The following TCF3 variants were observed in gnomAD, a reference collection of about 807,000 sequenced individuals.
TCF3 encodes transcription factor E2-alpha.
Under a neutral mutation model 72.3 loss-of-function variants are expected in TCF3, and 54 were observed. That is an observed-to-expected ratio of 0.75 (90% CI 0.60 to 0.94). The LOEUF (loss-of-function observed/expected upper bound fraction) is 0.94. Among genes scored for constraint, TCF3 ranks in the 40% least tolerant of loss-of-function variants. The pLI, the probability that TCF3 is intolerant of heterozygous loss-of-function variation, is 0.00. For missense variants in TCF3, 1,078 were observed against 934.4 expected, an observed-to-expected ratio of 1.15 and a Z score of -2.00; for synonymous variants, 525 against 412.6, an observed-to-expected ratio of 1.27 and a Z score of -3.30.
rs1328346433 is a variant in TCF3, at chr19:1,619,188, A to T, written c.1373T>A (p.Leu458His). The T allele has an allele frequency of 3.7e-6, 6 of 1,600,312 alleles. No homozygotes were observed. Among genetic ancestry groups the T allele is most frequent in the Non-Finnish European group, 5.1e-6 (6 of 1,179,652 alleles). Reference protein sequence around the residue: ...PEDGLAGSTSLMHNHAALPSQ... With the variant: ...PEDGLAGSTSHMHNHAALPSQ... ...GGGGAGGGCCGCGTGGTTGTGCATG[A>T]GGCTGGTGCTGCCTGCGAGGCCGTC... The change falls in exon 16 of 19, where the codon CTC becomes CAC. Residue 458 changes from leucine to histidine, a missense_variant. Physicochemically the swap from Leu to His is moderately conservative, Grantham distance 99. Transcript: ENST00000262965.
chr19:1,627,237 G>C (rs572013346), intron 6 of TCF3, 122 bp downstream of exon 6: 2 of 710,762 alleles, frequency 2.8e-6, no homozygotes, highest in Admixed American at 6.4e-5. Context: ...GCCCAGCCTG[G>C]TTTCGCTATC....
At chr19:1,623,047 G>A (rs1234576688) in intron 8 of TCF3, among the ~76,000 whole-genome samples, 1 of 152,166 alleles carries the variant, frequency 6.6e-6, no homozygotes, top group Non-Finnish European at 1.5e-5. Context: ...AGGGGAGTGA[G>A]TGATACTGTT....
chr19:1,620,065 C>T (rs1052422956), intron 13 of TCF3, among the ~76,000 whole-genome samples: 3 of 152,198 alleles, frequency 2.0e-5, no homozygotes, highest in African/African-American at 7.2e-5. Flanking sequence ...ATTCCTATCT[C>T]TGAGCCTCAG....
chr19:1,639,351 G>A (rs542353662), intron 3 of TCF3, among the ~76,000 whole-genome samples: 2 of 152,238 alleles, frequency 1.3e-5, no homozygotes, highest in East Asian at 3.9e-4. Flanking sequence ...GCCAAGGAAC[G>A]GATTTTTTTG....
chr19:1,617,851 C>T (rs937009332), intron 16 of TCF3, among the ~76,000 whole-genome samples: 1 of 152,214 alleles, frequency 6.6e-6, no homozygotes, highest in African/African-American at 2.4e-5. Context: ...CCACCCACTC[C>T]ATGCCAGGAG....
chr19:1,642,206 G>A (rs903972170), intron 3 of TCF3, among the ~76,000 whole-genome samples: 1 of 148,526 alleles, frequency 6.7e-6, no homozygotes, highest in Admixed American at 6.7e-5. Flanking sequence ...ACGCAGACAC[G>A]CACACACGCG....
chr19:1,640,876 C>T (rs1036628249), intron 3 of TCF3, among the ~76,000 whole-genome samples: 35 of 151,382 alleles, frequency 2.3e-4, no homozygotes, highest in Non-Finnish European at 7.4e-5. Context: ...CGGCCAGGCG[C>T]GGTGGTTCAC....
In TCF3 at chr19:1,622,358, C is replaced by A. The variant is rs138005323; in HGVS notation, c.607G>T (p.Ala203Ser). 1 of 1,324,646 alleles carries A rather than the reference C, an allele frequency of 7.5e-7. No homozygotes were observed. Among genetic ancestry groups the A allele is most frequent in the Non-Finnish European group, 9.9e-7 (1 of 1,009,684 alleles). 82.1% of individuals were successfully genotyped at this position (1,324,646 alleles called of 1,614,324 possible). Residue 203 changes from alanine (A) to serine (S), a missense_variant, in exon 9 of 19, where the codon GCC (alanine) becomes TCC (serine). Ala to Ser is a moderately conservative substitution (Grantham distance 99, BLOSUM62 1). Coordinates refer to ENST00000262965, the MANE Select transcript of TCF3 (RefSeq NM_003200.5). ...YGRDATAYPS[A>S]KTPSSTYPAP... is the part of the protein sequence containing the mutation. ...GGATAGGTGCTGCTGGGGGTCTTGGCGGACGGGTAGGCGGTGGCATCCCTG... is the reference window on the plus strand; with the variant it reads ...GGATAGGTGCTGCTGGGGGTCTTGGAGGACGGGTAGGCGGTGGCATCCCTG...
At chr19:1,618,352 T>C (rs1041715853) in intron 16 of TCF3, among the ~76,000 whole-genome samples, 2 of 152,048 alleles carry the variant, frequency 1.3e-5, no homozygotes, top group Non-Finnish European at 2.9e-5. Context: ...GTGCCACTCA[T>C]AGTCTGTCCT....
At position 1,652,461 on chromosome 19, in the gene TCF3, C is replaced by A. The variant is rs1250662351; in HGVS notation, c.-201G>T. On this transcript the variant is annotated 5_prime_UTR_variant, in exon 1 of 19. Transcript: ENST00000262965. ...CCGGGCCCCTCCCACCCCCGCGTGG[C>A]CCGTCCCGCGGGGCCCGTGCGCGCG... The A allele has an allele frequency of 1.4e-5, 2 of 142,562 alleles. No homozygotes were observed. The highest frequency in any genetic ancestry group is 1.6e-5 in the Non-Finnish European group (1 of 64,446). 8.8% of individuals were successfully genotyped at this position (142,562 alleles called of 1,614,324 possible).
chr19:1,649,829 C>T (rs1187860432), intron 2 of TCF3, among the ~76,000 whole-genome samples: 1 of 152,170 alleles, frequency 6.6e-6, no homozygotes, highest in Non-Finnish European at 1.5e-5. Flanking sequence ...ATGAGGTAAG[C>T]GACCCTGATC....
At chr19:1,649,999 C>T (rs1480284755) in intron 2 of TCF3, among the ~76,000 whole-genome samples, 178 bp downstream of exon 2, 2 of 152,198 alleles carry the variant, frequency 1.3e-5, no homozygotes, top group Non-Finnish European at 2.9e-5. Flanking sequence ...CACGTGCTGC[C>T]GTGCGCTGTC....
At chr19:1,650,089 G>GTATTCAGC in intron 2 of TCF3, 88 bp downstream of exon 2, 2 of 1,275,914 alleles carry the variant, frequency 1.6e-6, no homozygotes, top group East Asian at 2.6e-5. Context: ...CATCGCTGAA[G>GTATTCAGC]TATTCAGCAA....
At chr19:1,642,362 G>T (rs914030405) in intron 3 of TCF3, among the ~76,000 whole-genome samples, 10 of 152,182 alleles carry the variant, frequency 6.6e-5, no homozygotes, top group African/African-American at 2.4e-4. Flanking sequence ...ATCTGATCAG[G>T]ATCTGTGGAC....
At position 1,628,978 on chromosome 19, in the gene TCF3, GAGGCGGGAAGGGGACAGCA is replaced by G; in HGVS notation, c.299-1571_299-1553del. 2.4e-5 allele frequency among the ~76,000 whole-genome samples: 2 copies of G among 84,108 alleles called. 1 individual carries two copies. Among genetic ancestry groups the G allele is most frequent in the South Asian group, 8.5e-4 (2 of 2,346 alleles). 55.2% of individuals were successfully genotyped at this position (84,108 alleles called of 152,430 possible). On this transcript the variant is annotated intron_variant, in intron 5 of 18. Transcript: ENST00000262965. ...GGGGACAGCAGAGCTCACAGGGGGT[GAGGCGGGAAGGGGACAGCA>G]GAGCTCACGGGGGTGAGGCGGGAAG... is the stretch of plus-strand genomic sequence containing the variant.
Position 1,611,637 on chromosome 19 carries a change from C to G in TCF3, c.*70G>C. ...TGTGGATGTGGATGAAGCCCGGGGT[C>G]TCGAGTGGCCGTTCTGGGGCCAGAG... On this transcript the variant is annotated 3_prime_UTR_variant, in exon 19 of 19. Transcript: ENST00000262965. The G allele has an allele frequency of 6.4e-7, 1 of 1,551,768 alleles. No homozygotes were observed.
At chr19:1,640,093 C>A (rs901863143) in intron 3 of TCF3, among the ~76,000 whole-genome samples, 1 of 152,172 alleles carries the variant, frequency 6.6e-6, no homozygotes, top group Non-Finnish European at 1.5e-5. Context: ...TTGAGGACCG[C>A]GGCGCCCTCA....
Position 1,615,874 on chromosome 19 carries a change from A to C in TCF3, c.1451-53T>G. ...GCGTCGGCCTCCAGGGCCAACTGAC[A>C]TATCTCTTTGTGCTCCTGTGGTGAG... On this transcript the variant is annotated intron_variant, in intron 16 of 18. Transcript: ENST00000262965. The surrounding 1 kb of genome is among the most constrained non-coding windows in gnomAD (Gnocchi z 7.3). 1.3e-6 allele frequency: 2 copies of C among 1,495,308 alleles called. No individual in the cohort carries two copies. Among genetic ancestry groups the C allele is most frequent in the Non-Finnish European group, 1.8e-6 (2 of 1,124,300 alleles). The allele number at this position is 1,495,308 out of a possible 1,614,324, so 92.6% of individuals were successfully genotyped here. A position where few individuals can be genotyped will look rare whatever the true frequency, so the allele number is the denominator to read the frequency against.
chr19:1,644,149 T>C (rs1013039113), intron 3 of TCF3, among the ~76,000 whole-genome samples: 1 of 152,192 alleles, frequency 6.6e-6, no homozygotes, highest in East Asian at 1.9e-4. Flanking sequence ...CTACTGCAGC[T>C]CCTGGGCCCT....
Sources: allele counts gnomAD v4.1 joint callset (sites outside exome capture counted in the v4.1 genomes callset), GRCh38; gene constraint gnomAD v4.1.1; non-coding constraint Gnocchi (gnomAD v3.1); transcripts MANE v1.5; gene names NCBI Gene and HGNC (gene_info 2026-07-23, HGNC 2026-07-21).